The following FRMPD4 variants were observed in gnomAD, a reference collection of about 807,000 sequenced individuals.
FRMPD4 encodes FERM and PDZ domain-containing protein 4.
A neutral mutation model predicts 94.1 loss-of-function variants in FRMPD4; 22 were observed. That is an observed-to-expected ratio of 0.23 (90% CI 0.17 to 0.33). FRMPD4 has a LOEUF of 0.33. Among genes scored for constraint, FRMPD4 ranks in the 10% least tolerant of loss-of-function variants. The pLI is 1.00. For synonymous variants in FRMPD4, 631 were observed against 548.6 expected (o/e 1.15, Z -2.10); for missense variants, 1,111 against 1,339.9 (o/e 0.83, Z 2.67).
chrX:11,866,638 A>G (rs909524239), intron 2 of FRMPD4, among the ~76,000 whole-genome samples: 1 of 112,409 alleles, frequency 8.9e-6, no homozygotes, highest in Non-Finnish European at 1.9e-5. Context: ...TAATATATAC[A>G]TATACAACTA....
chrX:12,395,151 C>T (rs908927573), intron 1 of FRMPD4, among the ~76,000 whole-genome samples: 2 of 112,126 alleles, frequency 1.8e-5, no homozygotes, highest in Non-Finnish European at 3.8e-5. Context: ...TTGTATGAGG[C>T]ATAATGTAGA....
chrX:12,097,180 A>C (rs1214792582), intron 3 of FRMPD4, among the ~76,000 whole-genome samples: 1 of 112,116 alleles, frequency 8.9e-6, no homozygotes, highest in South Asian at 3.7e-4. Context: ...CAGAACCTGT[A>C]AACTTGATAT....
At chrX:12,050,933 G>T (rs1285035024) in intron 3 of FRMPD4, among the ~76,000 whole-genome samples, 1 of 111,548 alleles carries the variant, frequency 9.0e-6, no homozygotes, top group Non-Finnish European at 1.9e-5. Context: ...ATTAAGAGGA[G>T]AATGGATAGA....
At chrX:11,863,859 T>C (rs1193371744) in intron 1 of FRMPD4, among the ~76,000 whole-genome samples, 1 of 112,227 alleles carries the variant, frequency 8.9e-6, no homozygotes, top group Non-Finnish European at 1.9e-5. Context: ...TGTCTTAGCT[T>C]ACAGTGCTCC....
chrX:11,946,461 C>T (rs777832618), intron 3 of FRMPD4, among the ~76,000 whole-genome samples: 2 of 111,311 alleles, frequency 1.8e-5, no homozygotes, highest in East Asian at 5.7e-4. Flanking sequence ...CATTTCCAAG[C>T]AGCAGTTTTA....
intron 2 of FRMPD4, among the ~76,000 whole-genome samples, chrX:12,608,213 A>G (rs1389397382): frequency 8.9e-6 from 1 of 112,837 alleles, no homozygotes; most frequent in Non-Finnish European, 1.9e-5. Context: ...GACTTCATCA[A>G]GAGTCATGGG....
intron 1 of FRMPD4, among the ~76,000 whole-genome samples, chrX:12,479,385 T>TACATATATACATATATACAC (rs2057645314): frequency 2.4e-5 from 2 of 84,575 alleles, no homozygotes; most frequent in African/African-American, 9.6e-5. Flanking sequence ...TATATACACA[T>TACATATATACATATATACAC]ATATATATAC....
chrX:12,617,795 C>T (rs1008401495), intron 4 of FRMPD4, among the ~76,000 whole-genome samples: 14 of 110,390 alleles, frequency 1.3e-4, no homozygotes, highest in African/African-American at 4.6e-4. Flanking sequence ...TTCCTTTTCC[C>T]CCATTGCAGC....
chrX:12,682,613 C>T (rs1418294691), intron 5 of FRMPD4, among the ~76,000 whole-genome samples: 1 of 112,152 alleles, frequency 8.9e-6, no homozygotes, highest in Non-Finnish European at 1.9e-5. Context: ...TGTGAGTTCC[C>T]TTCCCCTTAG....
intron 1 of FRMPD4, among the ~76,000 whole-genome samples, chrX:12,487,459 G>A (rs1438482): frequency 0.36 from 40,373 of 110,916 alleles, 7,034 homozygotes; most frequent in African/African-American, 0.7. Flanking sequence ...TTTTCTAACT[G>A]CAATGTTTGC....
chrX:12,583,392 C>T, intron 2 of FRMPD4: 1 of 1,054,289 alleles, frequency 9.5e-7, no homozygotes, highest in Non-Finnish European at 1.3e-6. Context: ...CAGGGAAGCT[C>T]CGCCAGTACT....
intron 4 of FRMPD4, among the ~76,000 whole-genome samples, chrX:12,638,319 G>A (rs1348801637): frequency 8.9e-6 from 1 of 112,235 alleles, no homozygotes; most frequent in Non-Finnish European, 1.9e-5. Context: ...CTAGAGTGCA[G>A]TACTGCACCT....
At chrX:11,994,170 C>T (rs1436237281) in intron 3 of FRMPD4, among the ~76,000 whole-genome samples, 3 of 110,159 alleles carry the variant, frequency 2.7e-5, no homozygotes, top group Non-Finnish European at 3.8e-5. Flanking sequence ...GCCATGGATG[C>T]TATTAAACAT....
chrX:12,640,682 C>T (rs1351200472), intron 4 of FRMPD4, among the ~76,000 whole-genome samples: 5 of 112,146 alleles, frequency 4.5e-5, no homozygotes, highest in African/African-American at 1.6e-4. Context: ...CCAGTATGGC[C>T]TTGACATAGA....
At chrX:12,694,173 C>A (rs978032606) in intron 8 of FRMPD4, among the ~76,000 whole-genome samples, 162 bp from the exon 9 acceptor site, 9 of 112,001 alleles carry the variant, frequency 8.0e-5, no homozygotes, top group Admixed American at 7.6e-4. Context: ...ACCTAAGTGG[C>A]AAGGTTATGT....
At chrX:12,495,682 C>T (rs2057841040) in intron 1 of FRMPD4, among the ~76,000 whole-genome samples, 1 of 111,321 alleles carries the variant, frequency 9.0e-6, no homozygotes. Flanking sequence ...TCCAGCATAT[C>T]TGCTCTTGAT....
intron 1 of FRMPD4, among the ~76,000 whole-genome samples, chrX:12,207,616 GTT>G (rs1470965117): frequency 9.2e-6 from 1 of 108,687 alleles, no homozygotes; most frequent in Non-Finnish European, 1.9e-5. Flanking sequence ...CACTTAACTG[GTT>G]TTTCTGCTGA....
chrX:12,653,657 G>A (rs754172103), intron 4 of FRMPD4, among the ~76,000 whole-genome samples: 1 of 107,897 alleles, frequency 9.3e-6, no homozygotes, highest in African/African-American at 3.4e-5. Flanking sequence ...TTTTAAATCA[G>A]AACCTTTCAA....
chrX:12,419,907 C>T (rs2056860290), intron 1 of FRMPD4, among the ~76,000 whole-genome samples: 1 of 111,267 alleles, frequency 9.0e-6, no homozygotes, highest in South Asian at 3.9e-4. Flanking sequence ...TAAAGGTTAA[C>T]GACCTGTGGG....
Sources: gnomAD v4.1 joint callset for allele counts (sites outside exome capture counted in the v4.1 genomes callset) on GRCh38, gnomAD v4.1.1 for gene constraint, MANE v1.5 for transcripts, NCBI Gene and HGNC (gene_info 2026-07-23, HGNC 2026-07-21) for gene names.